Variants in ATP9A observed in about 807,000 individuals in gnomAD.
The protein encoded by ATP9A is probable phospholipid-transporting ATPase IIA.
Under a neutral mutation model 144.1 loss-of-function variants are expected in ATP9A, and 52 were observed. The observed-to-expected ratio is 0.36, with a 90% CI of 0.29 to 0.45. The LOEUF (loss-of-function observed/expected upper bound fraction) is 0.45. Among genes scored for constraint, ATP9A ranks in the 20% least tolerant of loss-of-function variants. The pLI is 1.00. For synonymous variants in ATP9A, 582 were observed against 557.4 expected, an observed-to-expected ratio of 1.04 and a Z score of -0.62; for missense variants, 947 against 1,392.7, an observed-to-expected ratio of 0.68 and a Z score of 5.09.
chr20:51,698,507 G>C (rs1378684424), intron 4 of ATP9A, among the ~76,000 whole-genome samples: 1 of 152,142 alleles, frequency 6.6e-6, no homozygotes, highest in African/African-American at 2.4e-5. Flanking sequence ...GCAACAGTGA[G>C]ACCCTGTCTC....
intron 13 of ATP9A, among the ~76,000 whole-genome samples, chr20:51,658,892 G>GGGGGC (rs2077399291): frequency 9.2e-6 from 1 of 109,224 alleles, no homozygotes; most frequent in Admixed American, 8.3e-5. Flanking sequence ...CACTGGCGGG[G>GGGGGC]GGGGGGGGGG....
intron 13 of ATP9A, among the ~76,000 whole-genome samples, chr20:51,667,154 G>C (rs759062413): frequency 6.6e-6 from 1 of 152,190 alleles, no homozygotes; most frequent in Non-Finnish European, 1.5e-5. Flanking sequence ...TGAGGTTCAC[G>C]GTAAGAAGTG....
chr20:51,711,589 A>G (rs1303220099), intron 4 of ATP9A, among the ~76,000 whole-genome samples: 1 of 152,202 alleles, frequency 6.6e-6, no homozygotes, highest in East Asian at 1.9e-4. Context: ...CAGTCATCTT[A>G]GGGGACAATC....
At chr20:51,719,731 C>CAAA (rs11483274) in intron 3 of ATP9A, among the ~76,000 whole-genome samples, 4 of 55,316 alleles carry the variant, frequency 7.2e-5, no homozygotes, top group Non-Finnish European at 1.4e-4. Context: ...GACTCTGTCT[C>CAAA]AAAAAAAAAA....
At position 51,688,065 on chromosome 20, in the gene ATP9A, G is replaced by A. The variant is rs369128272; in HGVS notation, c.799+999C>T. ...GCCTTTCACCTGCTGTGTGACCTCAGAGCAAGTTACTTAACCTCACTCAGC... is the reference window on the plus strand; with the variant it reads ...GCCTTTCACCTGCTGTGTGACCTCAAAGCAAGTTACTTAACCTCACTCAGC... On this transcript the variant is annotated intron_variant, in intron 9 of 27. Coordinates refer to ENST00000338821, the MANE Select transcript of ATP9A (RefSeq NM_006045.3). 3.9e-5 allele frequency among the ~76,000 whole-genome samples: 6 copies of A among 152,178 alleles called. No homozygotes were observed. In the East Asian group the frequency reaches 7.7e-4, roughly 20 times the overall value.
chr20:51,683,484 G>A (rs6063697), intron 9 of ATP9A, among the ~76,000 whole-genome samples: 38,514 of 151,802 alleles, frequency 0.25, 5,344 homozygotes, highest in Non-Finnish European at 0.3. Flanking sequence ...GGGGTTCACC[G>A]TGTTAGCCAG....
intron 1 of ATP9A, among the ~76,000 whole-genome samples, chr20:51,747,290 G>GTAAA (rs997465740): frequency 1.3e-5 from 2 of 152,078 alleles, no homozygotes; most frequent in Admixed American, 1.3e-4. Context: ...CTCTTTAAAT[G>GTAAA]TAAAGCTCAG....
chr20:51,700,540 AAGAG>A (rs2077588920), intron 4 of ATP9A, among the ~76,000 whole-genome samples: 1 of 152,216 alleles, frequency 6.6e-6, no homozygotes. Flanking sequence ...GAGACAGAGA[AAGAG>A]AGAGCGCCGG....
intron 1 of ATP9A, chr20:51,734,760 A>C (rs1175416424): frequency 4.7e-6 from 1 of 213,390 alleles, no homozygotes; most frequent in African/African-American, 2.3e-5. Flanking sequence ...GTACAAGAAG[A>C]AGTGCATGAA....
chr20:51,610,611 G>C (rs770348270), intron 23 of ATP9A, among the ~76,000 whole-genome samples: 6 of 152,218 alleles, frequency 3.9e-5, no homozygotes, highest in Non-Finnish European at 4.4e-5. Flanking sequence ...AGAAGGGGAG[G>C]CTGAGCAGGT....
chr20:51,752,487 T>C (rs182962135), intron 1 of ATP9A, among the ~76,000 whole-genome samples: 50 of 152,354 alleles, frequency 3.3e-4, no homozygotes, highest in Admixed American at 3.2e-3. Flanking sequence ...GAAATATTTA[T>C]GGAGTGAATA....
At chr20:51,748,754 G>C (rs1241394899) in intron 1 of ATP9A, among the ~76,000 whole-genome samples, 1 of 152,138 alleles carries the variant, frequency 6.6e-6, no homozygotes, top group Non-Finnish European at 1.5e-5. Context: ...ACAAAGACTT[G>C]TGTGACATTT....
At position 51,627,603 on chromosome 20, in the gene ATP9A, A is replaced by C; in HGVS notation, c.1842T>G (p.Phe614Leu). Reference protein sequence around the residue: ...KSLAEEQYQDFEARYVQAKLS... With the variant: ...KSLAEEQYQDLEARYVQAKLS... ...GAAAGGTCCCAGAACAACTTACTTC[A>C]AAGTCCTGATACTGCTCCTCTGCAA... is the stretch of plus-strand genomic sequence containing the variant. The change falls in exon 17 of 28, where the codon TTT becomes TTG. Residue 614 changes from phenylalanine to leucine, a missense_variant. Phe to Leu is a conservative substitution (Grantham distance 22, BLOSUM62 0). This residue lies in a region of ATP9A where 770 missense variants were observed against 1,047.9 expected (regional missense o/e 0.73). Coordinates refer to ENST00000338821, the MANE Select transcript of ATP9A (RefSeq NM_006045.3). 6.2e-7 allele frequency: 1 copy of C among 1,614,128 alleles called. No individual in the cohort carries two copies. Among genetic ancestry groups the C allele is most frequent in the Non-Finnish European group, 8.5e-7 (1 of 1,179,968 alleles).
Position 51,739,527 on chromosome 20 carries a change from GT to G in ATP9A, c.69-9550del, listed in dbSNP as rs372460997. On this transcript the variant is annotated intron_variant, in intron 1 of 27. Coordinates refer to ENST00000338821, the MANE Select transcript of ATP9A (RefSeq NM_006045.3). ...CCACCATGCCCGGCTAATTTTTTGT[GT>G]TTTTTTTAGCAGAGACAGGGTTTCA... 9.4e-3 allele frequency among the ~76,000 whole-genome samples: 1,421 copies of G among 151,128 alleles called. 18 individuals are homozygous for G. Among genetic ancestry groups the G allele is most frequent in the African/African-American group, 0.032 (1,335 of 41,196 alleles).
chr20:51,637,181 A>T (rs1299936342), intron 15 of ATP9A, among the ~76,000 whole-genome samples: 1 of 151,936 alleles, frequency 6.6e-6, no homozygotes, highest in Non-Finnish European at 1.5e-5. Flanking sequence ...ACTATCCCAG[A>T]GCTGCCCATG....
intron 2 of ATP9A, 24 bp downstream of exon 2, chr20:51,729,810 A>T: frequency 6.5e-7 from 1 of 1,531,524 alleles, no homozygotes; most frequent in East Asian, 2.3e-5. Flanking sequence ...AAAAGAAAAG[A>T]GCACGGTCCC....
chr20:51,709,912 G>T (rs1035409926), intron 4 of ATP9A, among the ~76,000 whole-genome samples: 1 of 152,110 alleles, frequency 6.6e-6, no homozygotes, highest in Non-Finnish European at 1.5e-5. Context: ...GGATGTAGCA[G>T]GTAGGTAAAT....
intron 3 of ATP9A, among the ~76,000 whole-genome samples, chr20:51,722,049 G>A (rs758699107): frequency 1.3e-5 from 2 of 151,698 alleles, no homozygotes; most frequent in Non-Finnish European, 2.9e-5. Flanking sequence ...ACTTACAGCC[G>A]ACTGCTCTTC....
intron 9 of ATP9A, among the ~76,000 whole-genome samples, chr20:51,688,492 T>A (rs1024976050): frequency 6.6e-6 from 1 of 152,042 alleles, no homozygotes; most frequent in Non-Finnish European, 1.5e-5. Flanking sequence ...CTTGGGAGAC[T>A]GAGACACAAG....
Sources: allele counts gnomAD v4.1 joint callset (sites outside exome capture counted in the v4.1 genomes callset), GRCh38; gene constraint gnomAD v4.1.1; regional missense constraint gnomAD v4.1.1; transcripts MANE v1.5; gene names NCBI Gene and HGNC (gene_info 2026-07-23, HGNC 2026-07-21).